The following TRPC7 variants were observed in gnomAD, a reference collection of about 807,000 sequenced individuals.
The protein encoded by TRPC7 is transient receptor potential cation channel subfamily C member 7, also known as short transient receptor potential channel 7.
In TRPC7, 42 loss-of-function variants were observed where a neutral mutation model predicts 90.1. That is an observed-to-expected ratio of 0.47 (90% confidence interval 0.36 to 0.60). The LOEUF (loss-of-function observed/expected upper bound fraction) is 0.60, where lower values mean the gene tolerates loss of function less well. Ranked by LOEUF, TRPC7 falls within the 20% of genes least tolerant of loss-of-function variation. TRPC7 has a pLI of 0.00. For missense variants in TRPC7, 955 were observed against 1,112.3 expected (o/e 0.86, Z 2.01); for synonymous variants, 451 against 436.3 (o/e 1.03, Z -0.42).
chr5:136,291,882 A>G lies in TRPC7; in HGVS notation c.964-17045T>C, dbSNP rs1430937722. The stretch of plus-strand genomic sequence containing the variant: ...CCACACCAATTCCAAAATTGACCAC[A>G]TAGTTGGAAGTAAAGCACTCCTCAG... On this transcript the variant is annotated intron_variant, in intron 3 of 11. Transcript: ENST00000513104. Among the ~76,000 whole-genome samples the G allele has an allele frequency of 1.5e-4, 23 of 152,222 alleles. 1 individual carries two copies. Among genetic ancestry groups the G allele is most frequent in the Admixed American group, 2.6e-4 (4 of 15,284 alleles).
At chr5:136,224,497 C>T (rs1414518714) in intron 10 of TRPC7, among the ~76,000 whole-genome samples, 1 of 152,088 alleles carries the variant, frequency 6.6e-6, no homozygotes, top group Non-Finnish European at 1.5e-5. Flanking sequence ...GCCTCGCCCT[C>T]CCCATATGTG....
At position 136,247,427 on chromosome 5, in the gene TRPC7, G is replaced by A. The variant is rs753847169; in HGVS notation, c.1844+44C>T. 1.3e-6 allele frequency: 2 copies of A among 1,559,160 alleles called. No individual in the cohort carries two copies. Among genetic ancestry groups the A allele is most frequent in the African/African-American group, 2.7e-5 (2 of 73,248 alleles). On this transcript the variant is annotated intron_variant, in intron 7 of 11. Coordinates refer to ENST00000513104, the MANE Select transcript of TRPC7 (RefSeq NM_020389.3). This position sits in a 1 kb window ranked among gnomAD's most constrained non-coding sequence, Gnocchi z 4.2. Reference sequence around the variant, plus strand: ...TTCAGGAGACTCCCAAGGATTCCCAGGAAGCCCAGGGAGAACCTCAGGGGA... The same window carrying A: ...TTCAGGAGACTCCCAAGGATTCCCAAGAAGCCCAGGGAGAACCTCAGGGGA...
chr5:136,362,309 G>T (rs2149865444), intron 1 of TRPC7, among the ~76,000 whole-genome samples: 2 of 151,976 alleles, frequency 1.3e-5, no homozygotes, highest in Admixed American at 6.6e-5. Flanking sequence ...TATGTACATT[G>T]TCATTTATAT....
At chr5:136,273,330 A>AAATT (rs1018819763) in intron 4 of TRPC7, among the ~76,000 whole-genome samples, 1 of 152,206 alleles carries the variant, frequency 6.6e-6, no homozygotes, top group African/African-American at 2.4e-5. Flanking sequence ...GGACAGAAAA[A>AAATT]AATTGCCTTT....
At chr5:136,281,123 T>C (rs957367395) in intron 3 of TRPC7, among the ~76,000 whole-genome samples, 3 of 152,170 alleles carry the variant, frequency 2.0e-5, no homozygotes, top group African/African-American at 7.2e-5. Flanking sequence ...ACCAGGGGAC[T>C]CAACATTCGA....
In TRPC7 at chr5:136,356,948, C is replaced by G; in HGVS notation, c.440G>C (p.Arg147Pro). 6.2e-7 allele frequency: 1 copy of G among 1,612,932 alleles called. No individual in the cohort carries two copies. Among genetic ancestry groups the G allele is most frequent in the Non-Finnish European group, 8.5e-7 (1 of 1,179,734 alleles). Residue 147 changes from arginine (R) to proline (P), a missense_variant, in exon 2 of 12, where the codon CGC becomes CCC. Transcript: ENST00000513104. The stretch of plus-strand genomic sequence containing the variant: ...GTCGTAGGCATAGAAGTCGTCGTCG[C>G]GCAGCTCCTGTTCCAGCGGGCTGAG... The part of the protein sequence containing the change: ...LTLSPLEQEL[R>P]DDDFYAYDED...
At chr5:136,219,609 T>C (rs963122072) in intron 10 of TRPC7, among the ~76,000 whole-genome samples, 8 of 152,040 alleles carry the variant, frequency 5.3e-5, no homozygotes, top group African/African-American at 1.9e-4. Context: ...CTACTAAAAA[T>C]ACAAAATTTA....
intron 2 of TRPC7, among the ~76,000 whole-genome samples, chr5:136,331,012 TG>T (rs954287382): frequency 4.6e-5 from 7 of 152,100 alleles, no homozygotes; most frequent in African/African-American, 1.7e-4. Context: ...CAGCAGTGGC[TG>T]GGGGAAACTT....
chr5:136,330,400 G>A (rs866209384), intron 2 of TRPC7, among the ~76,000 whole-genome samples: 1 of 152,210 alleles, frequency 6.6e-6, no homozygotes, highest in Non-Finnish European at 1.5e-5. Context: ...CAGAGGAACC[G>A]AGGCCCAGAG....
intron 5 of TRPC7, among the ~76,000 whole-genome samples, chr5:136,262,724 A>G (rs1756897884): frequency 6.6e-6 from 1 of 152,216 alleles, no homozygotes; most frequent in Admixed American, 6.5e-5. Context: ...AAACATAAAT[A>G]ATATTTTTAG....
intron 7 of TRPC7, among the ~76,000 whole-genome samples, chr5:136,236,618 G>A (rs2149799339): frequency 6.6e-6 from 1 of 152,280 alleles, no homozygotes; most frequent in African/African-American, 2.4e-5. Context: ...TGTGTGGGAA[G>A]GTTGGGGCTG....
chr5:136,214,804 T>C (rs1427791115), intron 11 of TRPC7, among the ~76,000 whole-genome samples: 1 of 152,154 alleles, frequency 6.6e-6, no homozygotes, highest in African/African-American at 2.4e-5. Flanking sequence ...TGTAGTTCCC[T>C]GTGGCCCAAG....
chr5:136,237,748 C>A (rs1340632698), intron 7 of TRPC7, among the ~76,000 whole-genome samples: 1 of 152,212 alleles, frequency 6.6e-6, no homozygotes, highest in Admixed American at 6.5e-5. Context: ...CTGGCACATA[C>A]TAATTGCTCA....
intron 3 of TRPC7, among the ~76,000 whole-genome samples, chr5:136,304,198 G>A (rs569585788): frequency 3.7e-4 from 56 of 151,532 alleles, no homozygotes; most frequent in African/African-American, 1.3e-3. Flanking sequence ...CCTCACCTTA[G>A]CCCACAAGTA....
At chr5:136,246,226 TC>T (rs1028618628) in intron 7 of TRPC7, among the ~76,000 whole-genome samples, 81 of 152,338 alleles carry the variant, frequency 5.3e-4, no homozygotes, top group Non-Finnish European at 1.0e-3. Context: ...ACATGGGCTT[TC>T]CTTCCTGCTG....
intron 2 of TRPC7, among the ~76,000 whole-genome samples, chr5:136,323,028 T>TGTG (rs1759243780): frequency 6.6e-6 from 1 of 152,200 alleles, no homozygotes. Context: ...TCATCTTGAC[T>TGTG]TGTAGCTCCC....
rs1037270292 is a variant in TRPC7 at position 136,315,950 on chromosome 5, T to C, written c.781-171A>G. ...GCTGGGTGCAGAAGGCGGGGCAATT[T>C]CTCTTGACACGTGACCTGAAGGACA... On this transcript the variant is annotated intron_variant, in intron 2 of 11. Transcript: ENST00000513104. The C allele has an allele frequency of 1.2e-5, 8 of 641,276 alleles. No individual in the cohort carries two copies. In the African/African-American group the frequency reaches 1.5e-4, roughly 12 times the overall value. 39.7% of individuals were successfully genotyped at this position (641,276 alleles called of 1,614,324 possible).
In TRPC7 at chr5:136,226,159, G is replaced by T. The variant is rs1483205332; in HGVS notation, c.2137C>A (p.Pro713Thr). The change falls in exon 9 of 12, where the codon CCA becomes ACA. Residue 713 changes from proline (P) to threonine (T), a missense_variant. Coordinates refer to ENST00000513104, the MANE Select transcript of TRPC7 (RefSeq NM_020389.3). Reference protein sequence around the residue: ...RTLPAPFNLVPSPKSFYYLIM... With the variant: ...RTLPAPFNLVTSPKSFYYLIM... ...AGATAATAAAATGATTTAGGACTTG[G>T]CACTAGATTAAAAGGAGCAGGTAGA... 1 of 1,567,494 alleles carries T rather than the reference G, an allele frequency of 6.4e-7. No individual in the cohort carries two copies. The highest frequency in any genetic ancestry group is 8.7e-7 in the Non-Finnish European group (1 of 1,154,178).
At chr5:136,271,530 C>T (rs1409467598) in intron 4 of TRPC7, among the ~76,000 whole-genome samples, 1 of 152,200 alleles carries the variant, frequency 6.6e-6, no homozygotes, top group East Asian at 1.9e-4. Flanking sequence ...GCTTAGGCAG[C>T]TATAAAGACC....
Sources: allele counts gnomAD v4.1 joint callset (sites outside exome capture counted in the v4.1 genomes callset), GRCh38; gene constraint gnomAD v4.1.1; non-coding constraint Gnocchi (gnomAD v3.1); transcripts MANE v1.5; gene names NCBI Gene and HGNC (gene_info 2026-07-23, HGNC 2026-07-21).